The following STT3A variants were observed in gnomAD, a reference collection of about 807,000 sequenced individuals.
The protein encoded by STT3A is STT3 oligosaccharyltransferase complex catalytic subunit A.
Under a neutral mutation model 89.2 loss-of-function variants are expected in STT3A, and 34 were observed. That is an observed-to-expected ratio of 0.38 (90% confidence interval 0.29 to 0.51). STT3A has a LOEUF of 0.51. Ranked by LOEUF, STT3A falls within the 20% of genes least tolerant of loss-of-function variation. The pLI is 0.89. For missense variants in STT3A, 555 were observed against 889.5 expected, an observed-to-expected ratio of 0.62 and a Z score of 4.78; for synonymous variants, 282 against 310.3, an observed-to-expected ratio of 0.91 and a Z score of 0.96.
intron 15 of STT3A, among the ~76,000 whole-genome samples, 165 bp from the exon 16 acceptor site, chr11:125,618,208 G>A (rs974908834): frequency 1.3e-5 from 2 of 152,072 alleles, no homozygotes; most frequent in Admixed American, 6.5e-5. Context: ...ATATTTTGAC[G>A]AAAAATGCTT....
At chr11:125,600,056 T>C (rs1373241252) in intron 3 of STT3A, among the ~76,000 whole-genome samples, 2 of 149,540 alleles carry the variant, frequency 1.3e-5, no homozygotes, top group South Asian at 4.2e-4. Context: ...GTTATTATTA[T>C]TAATTTTTTT....
At chr11:125,606,623 T>TA (rs1939848221) in intron 8 of STT3A, among the ~76,000 whole-genome samples, 158 bp downstream of exon 8, 2 of 152,366 alleles carry the variant, frequency 1.3e-5, no homozygotes, top group South Asian at 4.1e-4. Flanking sequence ...TACTGGTCAT[T>TA]AAAGTTTGCA....
At chr11:125,594,582 C>CAAAAAAA (rs34558992) in intron 1 of STT3A, among the ~76,000 whole-genome samples, 1 of 92,342 alleles carries the variant, frequency 1.1e-5, no homozygotes, top group Admixed American at 1.3e-4. Context: ...GACTCCGTCT[C>CAAAAAAA]AAAAAAAAAA....
intron 5 of STT3A, among the ~76,000 whole-genome samples, chr11:125,603,764 C>T (rs1433210285): frequency 6.6e-6 from 1 of 152,128 alleles, no homozygotes; most frequent in Non-Finnish European, 1.5e-5. Flanking sequence ...TAATTTTCTT[C>T]CTTTGATTGT....
chr11:125,596,241 G>T (rs575347825), intron 2 of STT3A, among the ~76,000 whole-genome samples: 8 of 152,294 alleles, frequency 5.3e-5, no homozygotes, highest in Non-Finnish European at 1.0e-4. Context: ...GGGGTGGGTG[G>T]ATCACTTGAG....
At chr11:125,602,022 C>T (rs1482189753) in intron 3 of STT3A, among the ~76,000 whole-genome samples, 1 of 152,106 alleles carries the variant, frequency 6.6e-6, no homozygotes, top group Non-Finnish European at 1.5e-5. Flanking sequence ...CAGTCTCGAA[C>T]TCCTGACCTT....
chr11:125,599,764 C>T (rs1402976122), intron 3 of STT3A, among the ~76,000 whole-genome samples: 2 of 149,812 alleles, frequency 1.3e-5, no homozygotes, highest in African/African-American at 4.9e-5. Context: ...GAGTTTCGCT[C>T]TTGTTGCCCA....
At chr11:125,593,087 G>C (rs1939366998) in intron 1 of STT3A, 169 bp downstream of exon 1, 1 of 154,364 alleles carries the variant, frequency 6.5e-6, no homozygotes, top group Non-Finnish European at 1.4e-5. Context: ...TTCCTGGATG[G>C]AAGGATGCGA....
At chr11:125,605,091 C>T (rs1270551362) in intron 6 of STT3A, among the ~76,000 whole-genome samples, 2 of 149,504 alleles carry the variant, frequency 1.3e-5, no homozygotes, top group Non-Finnish European at 3.0e-5. Flanking sequence ...AGAGCAAGAC[C>T]CTGTTTTTGT....
At chr11:125,602,187 G>T in intron 3 of STT3A, 116 bp from the exon 4 acceptor site, 1 of 1,212,590 alleles carries the variant, frequency 8.2e-7, no homozygotes, top group Non-Finnish European at 1.2e-6. Context: ...GATTTTCATG[G>T]CATAATATCT....
At chr11:125,609,992 A>C (rs1469731169) in intron 10 of STT3A, 1 of 159,762 alleles carries the variant, frequency 6.3e-6, no homozygotes, top group Non-Finnish European at 1.4e-5. Context: ...TCTTCTGGCC[A>C]ATCCAGATGT....
intron 5 of STT3A, 61 bp downstream of exon 5, chr11:125,603,009 T>C: frequency 6.3e-7 from 1 of 1,592,498 alleles, no homozygotes; most frequent in Non-Finnish European, 8.6e-7. Context: ...CTCTAATCGA[T>C]GCTGGAGGGT....
At chr11:125,618,821 AT>A (rs1176226719) in intron 16 of STT3A, among the ~76,000 whole-genome samples, 2 of 151,484 alleles carry the variant, frequency 1.3e-5, no homozygotes, top group Non-Finnish European at 2.9e-5. Flanking sequence ...TGCAGCCTTG[AT>A]TTCCTGGGCT....
rs2135952661 is a variant in STT3A at position 125,621,022 on chromosome 11, G to A, written c.*212G>A. The A allele has an allele frequency of 6.7e-6, 3 of 446,764 alleles. No individual in the cohort carries two copies. Among genetic ancestry groups the A allele is most frequent in the Middle Eastern group, 1.2e-3 (2 of 1,714 alleles). 27.7% of individuals were successfully genotyped at this position (446,764 alleles called of 1,614,324 possible). A position where few individuals can be genotyped will look rare whatever the true frequency, so the allele number is the denominator to read the frequency against. On this transcript the variant is annotated 3_prime_UTR_variant, in exon 18 of 18. Transcript: ENST00000392708. The stretch of plus-strand genomic sequence containing the variant: ...ACAGGTTACCAAATGAAATGTCATG[G>A]CTTTACTTTGGTCAATTAAAGGGGG...
chr11:125,617,327 T>C (rs1304142001), intron 15 of STT3A, among the ~76,000 whole-genome samples: 2 of 152,210 alleles, frequency 1.3e-5, no homozygotes, highest in African/African-American at 4.8e-5. Flanking sequence ...ATGAGAAAAC[T>C]GAAGCACAGA....
rs556364492 is a variant in STT3A at position 125,604,290 on chromosome 11, A to G, written c.508+43A>G. On this transcript the variant is annotated intron_variant, in intron 6 of 17. Coordinates refer to ENST00000392708, the MANE Select transcript of STT3A (RefSeq NM_152713.5). ...CTGAAGAAGATCATCTCACCTCATT[A>G]TCCAACAGAGCTTCACAAAGTGCAG... The G allele has an allele frequency of 2.1e-5, 33 of 1,594,012 alleles. No individual in the cohort carries two copies. In the Admixed American group the frequency reaches 4.8e-4, roughly 23 times the overall value.
chr11:125,596,464 C>CTAA (rs1406125245), intron 2 of STT3A, among the ~76,000 whole-genome samples: 1 of 151,660 alleles, frequency 6.6e-6, no homozygotes, highest in Admixed American at 6.6e-5. Context: ...GACTCTGTCT[C>CTAA]AAAAAAAAGA....
chr11:125,601,567 G>A (rs572106937), intron 3 of STT3A, among the ~76,000 whole-genome samples: 54 of 151,916 alleles, frequency 3.6e-4, no homozygotes, highest in Non-Finnish European at 7.1e-4. Flanking sequence ...AGGTTGCAGT[G>A]AGCCGAGATC....
Position 125,596,013 on chromosome 11 carries a change from C to T in STT3A, c.88+10C>T, listed in dbSNP as rs746541967. ...ATGGCTGCTGTATTATGTGAGTGTGCATGTGAACCTCTCTTTCTTTGGGGA... is the reference window on the plus strand; with the variant it reads ...ATGGCTGCTGTATTATGTGAGTGTGTATGTGAACCTCTCTTTCTTTGGGGA... On this transcript the variant is annotated intron_variant, in intron 2 of 17. Coordinates refer to ENST00000392708, the MANE Select transcript of STT3A (RefSeq NM_152713.5). 5 of 1,583,966 alleles carry T rather than the reference C, an allele frequency of 3.2e-6. No homozygotes were observed. The highest frequency in any genetic ancestry group is 4.3e-6 in the Non-Finnish European group (5 of 1,159,592).
Sources: gnomAD v4.1 joint callset for allele counts (sites outside exome capture counted in the v4.1 genomes callset) on GRCh38, gnomAD v4.1.1 for gene constraint, MANE v1.5 for transcripts, NCBI Gene and HGNC (gene_info 2026-07-23, HGNC 2026-07-21) for gene names.